The following SPATA13 variants were observed in gnomAD, a reference collection of about 807,000 sequenced individuals.
The protein encoded by SPATA13 is spermatogenesis associated 13, also known as spermatogenesis-associated protein 13.
In SPATA13, 50 loss-of-function variants were observed where a neutral mutation model predicts 104.0. That is an observed-to-expected ratio of 0.48 (90% CI 0.38 to 0.61). The LOEUF (loss-of-function observed/expected upper bound fraction) is 0.61. Among genes scored for constraint, SPATA13 ranks in the 20% least tolerant of loss-of-function variants. The pLI, the probability that SPATA13 is intolerant of heterozygous loss-of-function variation, is 0.00. For missense variants in SPATA13, 1,524 were observed against 1,690.6 expected (o/e 0.90, Z 1.73); for synonymous variants, 606 against 667.5 (o/e 0.91, Z 1.42).
chr13:24,151,604 G>T (rs938636365), intron 3 of SPATA13, among the ~76,000 whole-genome samples: 2 of 151,960 alleles, frequency 1.3e-5, no homozygotes, highest in East Asian at 3.9e-4. Context: ...CATTACTGGA[G>T]TTTTTTTTCC....
At chr13:24,298,623 G>A (rs1372625626) in intron 11 of SPATA13, among the ~76,000 whole-genome samples, 2 of 152,170 alleles carry the variant, frequency 1.3e-5, no homozygotes, top group Non-Finnish European at 1.5e-5. Flanking sequence ...CAGCCCAAGT[G>A]AGCCCAGCCC....
At chr13:24,084,535 G>T (rs1379386841) in intron 3 of SPATA13, among the ~76,000 whole-genome samples, 1 of 15,946 alleles carries the variant, frequency 6.3e-5, no homozygotes, top group Non-Finnish European at 3.0e-4. Context: ...TGGCTTTCTG[G>T]TTTTTCTTAA....
At chr13:24,296,181 T>C (rs1296493897) in intron 10 of SPATA13, among the ~76,000 whole-genome samples, 4 of 152,230 alleles carry the variant, frequency 2.6e-5, no homozygotes, top group Non-Finnish European at 5.9e-5. Context: ...AAGGGCCTTA[T>C]AGACTTCTGG....
At chr13:24,177,195 A>T (rs1868487727) in intron 1 of SPATA13, among the ~76,000 whole-genome samples, 1 of 152,242 alleles carries the variant, frequency 6.6e-6, no homozygotes, top group Admixed American at 6.5e-5. Context: ...ACGTTGCTTT[A>T]CTTCTCTGAC....
At chr13:24,275,212 C>A (rs1031052857) in intron 4 of SPATA13, among the ~76,000 whole-genome samples, 1 of 152,164 alleles carries the variant, frequency 6.6e-6, no homozygotes, top group Non-Finnish European at 1.5e-5. Context: ...CTGACAGCTG[C>A]AGCCAGGAGG....
Position 24,051,950 on chromosome 13 carries a change from C to T in SPATA13, c.-112+34249C>T, listed in dbSNP as rs891044570. Among the ~76,000 whole-genome samples, 2 of 152,214 alleles carry T rather than the reference C, an allele frequency of 1.3e-5. No homozygotes were observed. Among genetic ancestry groups the T allele is most frequent in the South Asian group, 2.1e-4 (1 of 4,830 alleles). ...CCTGCAGCTCCTCACCAGGTTCAGA[C>T]GTCCTGGCTCTGGTCCTCCCACCTC... On this transcript the variant is annotated intron_variant, in intron 3 of 14. Coordinates refer to the SPATA13 transcript ENST00000424834. The surrounding 1 kb of genome is among the most constrained non-coding windows in gnomAD (Gnocchi z 4.2).
At chr13:24,296,162 A>C (rs532424019) in intron 10 of SPATA13, among the ~76,000 whole-genome samples, 1 of 152,136 alleles carries the variant, frequency 6.6e-6, no homozygotes, top group South Asian at 2.1e-4. Context: ...AGAGAAACAC[A>C]TACATTTCAA....
chr13:24,286,158 T>A lies in SPATA13; in HGVS notation c.2302-56T>A. The A allele has an allele frequency of 6.6e-7, 1 of 1,520,746 alleles. No homozygotes were observed. Among genetic ancestry groups the A allele is most frequent in the South Asian group, 1.3e-5 (1 of 77,978 alleles). 94.2% of individuals were successfully genotyped at this position (1,520,746 alleles called of 1,614,324 possible). A position where few individuals can be genotyped will look rare whatever the true frequency, so the allele number is the denominator to read the frequency against. On this transcript the variant is annotated intron_variant, in intron 5 of 12. Transcript: ENST00000382108. This position sits in a 1 kb window ranked among gnomAD's most constrained non-coding sequence, Gnocchi z 4.9. Reference sequence around the variant, plus strand: ...TGAGAGAGTGCACCTAGTGGCTCCCTCACCATCCCGCCCACTCGTGCTCTA... The same window carrying A: ...TGAGAGAGTGCACCTAGTGGCTCCCACACCATCCCGCCCACTCGTGCTCTA...
chr13:24,113,785 G>A (rs758317681), intron 3 of SPATA13, among the ~76,000 whole-genome samples: 1 of 147,126 alleles, frequency 6.8e-6, no homozygotes, highest in Admixed American at 6.9e-5. Flanking sequence ...CAGGAGAATC[G>A]CTTGAACCAG....
intron 1 of SPATA13, among the ~76,000 whole-genome samples, chr13:24,186,079 A>G (rs1404082244): frequency 6.6e-6 from 1 of 152,184 alleles, no homozygotes; most frequent in Non-Finnish European, 1.5e-5. Context: ...TCACATCTAG[A>G]AAAGATCTTC....
chr13:24,128,262 G>T (rs887580330), intron 3 of SPATA13, among the ~76,000 whole-genome samples: 16 of 152,204 alleles, frequency 1.1e-4, no homozygotes, highest in African/African-American at 3.6e-4. Context: ...GCCCGGAGGG[G>T]TGACCTACAC....
intron 4 of SPATA13, chr13:24,278,626 T>G: frequency 2.0e-6 from 3 of 1,469,746 alleles, no homozygotes; most frequent in Non-Finnish European, 2.7e-6. Flanking sequence ...TGCTTTCATG[T>G]ATCATCATTC....
intron 11 of SPATA13, among the ~76,000 whole-genome samples, chr13:24,298,974 T>C (rs1876988688): frequency 6.6e-6 from 1 of 152,118 alleles, no homozygotes. Flanking sequence ...CAGGGTGTCC[T>C]TTACACTAAG....
At position 24,302,919 on chromosome 13, in the gene SPATA13, T is replaced by C. The variant is rs545821164; in HGVS notation, c.*146T>C. 5 of 1,000,398 alleles carry C rather than the reference T, an allele frequency of 5.0e-6. No individual in the cohort carries two copies. The African/African-American group carries it at 8.0e-5, about 16-fold the overall frequency. The allele number at this position is 1,000,398 out of a possible 1,614,324, so 62.0% of individuals were successfully genotyped here. On this transcript the variant is annotated 3_prime_UTR_variant, in exon 13 of 13. Coordinates refer to ENST00000382108, the MANE Select transcript of SPATA13 (RefSeq NM_001166271.3). Reference sequence around the variant, plus strand: ...CAATGAAGGAGAGAAGGTCTTGGAATCACCTTCAGTCTTTGGAGACCCAGC... The same window carrying C: ...CAATGAAGGAGAGAAGGTCTTGGAACCACCTTCAGTCTTTGGAGACCCAGC...
At chr13:24,096,175 A>G (rs181400548) in intron 3 of SPATA13, among the ~76,000 whole-genome samples, 1 of 152,206 alleles carries the variant, frequency 6.6e-6, no homozygotes, top group Non-Finnish European at 1.5e-5. Flanking sequence ...TCTGGAGCTA[A>G]ACCAAAGAAC....
At chr13:24,057,462 A>G (rs145513071) in intron 3 of SPATA13, among the ~76,000 whole-genome samples, 2,862 of 152,180 alleles carry the variant, frequency 0.019, 35 homozygotes, top group Middle Eastern at 0.048. Context: ...CAGTGTTGAC[A>G]GGGCATTTTC....
chr13:24,113,955 A>G (rs1328947856), intron 3 of SPATA13, among the ~76,000 whole-genome samples: 4 of 152,006 alleles, frequency 2.6e-5, no homozygotes, highest in African/African-American at 9.7e-5. Context: ...ACAAGTTTGC[A>G]GATTTGCAAA....
At chr13:24,182,642 C>G (rs969189416) in intron 1 of SPATA13, among the ~76,000 whole-genome samples, 2 of 152,164 alleles carry the variant, frequency 1.3e-5, no homozygotes, top group Non-Finnish European at 2.9e-5. Flanking sequence ...AACACCTCCC[C>G]CAGGCCCCGC....
At chr13:24,083,446 C>A (rs1384852450) in intron 3 of SPATA13, among the ~76,000 whole-genome samples, 1 of 152,196 alleles carries the variant, frequency 6.6e-6, no homozygotes, top group East Asian at 1.9e-4. Context: ...GCCACAGGTG[C>A]TGCAGATCAG....
Sources: allele counts gnomAD v4.1 joint callset (sites outside exome capture counted in the v4.1 genomes callset), GRCh38; gene constraint gnomAD v4.1.1; non-coding constraint Gnocchi (gnomAD v3.1); transcripts MANE v1.5; gene names NCBI Gene and HGNC (gene_info 2026-07-23, HGNC 2026-07-21).